Variants in FAM200B observed in about 807,000 individuals in gnomAD.
The protein encoded by FAM200B is zinc finger BED-type containing 11.
Under a neutral mutation model 33.1 loss-of-function variants are expected in FAM200B, and 32 were observed. The observed-to-expected ratio is 0.97, with a 90% CI of 0.73 to 1.30. FAM200B has a LOEUF of 1.30. Among genes scored for constraint, FAM200B ranks in the 50% most tolerant of loss-of-function variants. The probability of loss-of-function intolerance (pLI) is 0.00; values close to 1 mark genes in which losing one functional copy is unlikely to be tolerated. For missense variants in FAM200B, 741 were observed against 754.0 expected, an observed-to-expected ratio of 0.98 and a Z score of 0.20; for synonymous variants, 240 against 264.8, an observed-to-expected ratio of 0.91 and a Z score of 0.91.
chr4:15,655,417 T>A, the FAM200B span: 6 of 991,250 alleles, frequency 6.1e-6, no homozygotes, highest in Non-Finnish European at 7.2e-6. Context: ...CCCGGTCGGC[T>A]TGGCCGGCGG....
chr4:15,644,818 C>A, the FAM200B span: 1 of 701,220 alleles, frequency 1.4e-6, no homozygotes, highest in South Asian at 2.1e-5. Flanking sequence ...ACTTCCCTTA[C>A]ACTTGGTTAA....
chr4:15,658,135 G>A, the FAM200B span, among the ~76,000 whole-genome samples: 1 of 152,190 alleles, frequency 6.6e-6, no homozygotes, highest in African/African-American at 2.4e-5. Flanking sequence ...AGGGTTATTG[G>A]CCAGGGAGGG....
chr4:15,673,687 G>A, the FAM200B span, among the ~76,000 whole-genome samples: 1 of 152,152 alleles, frequency 6.6e-6, no homozygotes, highest in East Asian at 1.9e-4. Flanking sequence ...TGCATACAGT[G>A]ATCAATACTT....
At chr4:15,655,702 A>G in the FAM200B span, among the ~76,000 whole-genome samples, 1 of 152,198 alleles carries the variant, frequency 6.6e-6, no homozygotes, top group Non-Finnish European at 1.5e-5. Flanking sequence ...AGCCAAGCAC[A>G]ATGGCCGCGG....
the FAM200B span, chr4:15,641,726 G>C: frequency 2.5e-6 from 1 of 404,692 alleles, no homozygotes; most frequent in South Asian, 1.8e-5. Flanking sequence ...AGGGTCAACT[G>C]TACCTGTTAA....
At chr4:15,661,635 T>TTTTTTCTC in the FAM200B span, among the ~76,000 whole-genome samples, 1 of 152,228 alleles carries the variant, frequency 6.6e-6, no homozygotes, top group Non-Finnish European at 1.5e-5. Context: ...ATGGGGTCTT[T>TTTTTTCTC]TTTTTCTCTT....
the FAM200B span, among the ~76,000 whole-genome samples, chr4:15,665,203 G>A: frequency 6.6e-5 from 10 of 152,212 alleles, no homozygotes; most frequent in East Asian, 1.9e-3. Flanking sequence ...TCTTATTTGT[G>A]ACATATTGTT....
chr4:15,644,763 TAAAA>T, the FAM200B span: 1 of 1,284,650 alleles, frequency 7.8e-7, no homozygotes. Context: ...TATGCACAAA[TAAAA>T]AATATTCAAA....
rs980104051 is a variant in FAM200B, at chr4:15,688,786, A to G, written c.1809A>G (p.Leu603=). 9 of 1,551,162 alleles carry G rather than the reference A, an allele frequency of 5.8e-6. No homozygotes were observed. Among genetic ancestry groups the G allele is most frequent in the Non-Finnish European group, 7.8e-6 (9 of 1,146,724 alleles). Residue 603 remains leucine (L), a synonymous_variant, in exon 2 of 2, where the codon CTA becomes CTG. Transcript: ENST00000422728. ...GTAGAAAGAGTGTCCTGCTATTGCTACCATTCACAACAACTAGTTTGTGTG... is the reference window on the plus strand; with the variant it reads ...GTAGAAAGAGTGTCCTGCTATTGCTGCCATTCACAACAACTAGTTTGTGTG... The part of the protein sequence containing the change: ...LLSRKSVLLL[L]PFTTTSLCEL...
At chr4:15,671,005 C>A in the FAM200B span, among the ~76,000 whole-genome samples, 1 of 143,520 alleles carries the variant, frequency 7.0e-6, no homozygotes, top group African/African-American at 2.6e-5. Context: ...CTCACTATAA[C>A]CTCCGCCTCC....
chr4:15,638,903 A>G, the FAM200B span, among the ~76,000 whole-genome samples: 97,644 of 152,042 alleles, frequency 0.64, 31,496 homozygotes, highest in Admixed American at 0.69. Context: ...GGTGGCTAAC[A>G]CCTGTAATCC....
chr4:15,648,542 C>T, the FAM200B span, among the ~76,000 whole-genome samples: 1 of 152,024 alleles, frequency 6.6e-6, no homozygotes, highest in South Asian at 2.1e-4. Context: ...ATTATTCAGT[C>T]ATAAAAAAGG....
At chr4:15,648,105 A>C in the FAM200B span, among the ~76,000 whole-genome samples, 2 of 151,972 alleles carry the variant, frequency 1.3e-5, no homozygotes, top group African/African-American at 4.8e-5. Flanking sequence ...GATCCTCCTG[A>C]CTCAGCATCC....
the FAM200B span, among the ~76,000 whole-genome samples, chr4:15,667,754 C>G: frequency 6.6e-6 from 1 of 152,014 alleles, no homozygotes; most frequent in Non-Finnish European, 1.5e-5. Flanking sequence ...ATTTGACTTC[C>G]TGGTATAAGA....
At chr4:15,680,729 C>T (rs947687555), upstream of FAM200B, among the ~76,000 whole-genome samples, 1 of 151,724 alleles carries the variant, frequency 6.6e-6, no homozygotes, top group Non-Finnish European at 1.5e-5. Flanking sequence ...AAAAATTTGA[C>T]TGTGTAATCC....
At chr4:15,644,385 T>A in the FAM200B span, 1 of 885,268 alleles carries the variant, frequency 1.1e-6, no homozygotes, top group Non-Finnish European at 1.7e-6. Flanking sequence ...ACAAAATAAT[T>A]TTTTTCAACA....
the FAM200B span, among the ~76,000 whole-genome samples, chr4:15,643,393 T>G: frequency 6.6e-6 from 1 of 152,206 alleles, no homozygotes; most frequent in African/African-American, 2.4e-5. Context: ...GGAAATAAAC[T>G]AAGATCAAAT....
At position 15,689,960 on chromosome 4, in the gene FAM200B, C is replaced by G. The variant is rs1719246736; in HGVS notation, c.*1009C>G. ...AATTATCTGATTACTGTTATTCTTCCATAGTAGGGGAGGTGATATCCATTT... is the reference window on the plus strand; with the variant it reads ...AATTATCTGATTACTGTTATTCTTCGATAGTAGGGGAGGTGATATCCATTT... On this transcript the variant is annotated 3_prime_UTR_variant, in exon 2 of 2. Coordinates refer to ENST00000422728, the MANE Select transcript of FAM200B (RefSeq NM_001145191.2). The G allele has an allele frequency of 6.0e-6, 1 of 166,918 alleles. No homozygotes were observed. Among genetic ancestry groups the G allele is most frequent in the Non-Finnish European group, 1.5e-5 (1 of 68,098 alleles). 10.3% of individuals were successfully genotyped at this position (166,918 alleles called of 1,614,324 possible).
chr4:15,648,933 A>G, the FAM200B span, among the ~76,000 whole-genome samples: 1 of 152,182 alleles, frequency 6.6e-6, no homozygotes, highest in South Asian at 2.1e-4. Flanking sequence ...TAATCATTAT[A>G]CAATGTACAT....
Sources: gnomAD v4.1 joint callset for allele counts (sites outside exome capture counted in the v4.1 genomes callset) on GRCh38, gnomAD v4.1.1 for gene constraint, MANE v1.5 for transcripts, NCBI Gene and HGNC (gene_info 2026-07-23, HGNC 2026-07-21) for gene names.